Variants in LRP1B observed in about 807,000 individuals in gnomAD.
The protein encoded by LRP1B is LDL receptor related protein 1B.
LRP1B carries 217 observed loss-of-function variants against 556.6 expected under a neutral mutation model. That is an observed-to-expected ratio of 0.39 (90% CI 0.35 to 0.44). The LOEUF is 0.44. LRP1B is among the 20% of genes least tolerant of loss of function. LRP1B has a pLI of 1.00. For synonymous variants in LRP1B, 2,047 were observed against 1,865.8 expected (o/e 1.10, Z -2.50); for missense variants, 5,053 against 5,620.8 (o/e 0.90, Z 3.23).
At chr2:140,627,437 C>T (rs935536451) in intron 41 of LRP1B, among the ~76,000 whole-genome samples, 18 of 152,146 alleles carry the variant, frequency 1.2e-4, no homozygotes, top group African/African-American at 1.7e-4. Context: ...CCTCGAACAT[C>T]GGTCTCCAAG....
At chr2:140,594,384 T>C (rs1682351697) in intron 43 of LRP1B, among the ~76,000 whole-genome samples, 1 of 152,218 alleles carries the variant, frequency 6.6e-6, no homozygotes, top group South Asian at 2.1e-4. Flanking sequence ...TATTAAAAGC[T>C]TTAAGATGTA....
intron 3 of LRP1B, among the ~76,000 whole-genome samples, chr2:141,376,956 G>A (rs527451958): frequency 1.1e-4 from 17 of 151,900 alleles, no homozygotes; most frequent in South Asian, 8.3e-4. Flanking sequence ...TACCTCAACC[G>A]CTTTATTTAC....
intron 20 of LRP1B, among the ~76,000 whole-genome samples, chr2:140,941,740 A>T (rs1695409628): frequency 6.6e-6 from 1 of 152,158 alleles, no homozygotes; most frequent in Non-Finnish European, 1.5e-5. Flanking sequence ...TACACAACAT[A>T]CATGTAAGTT....
At chr2:141,751,370 A>C (rs1344103218) in intron 2 of LRP1B, among the ~76,000 whole-genome samples, 3 of 152,200 alleles carry the variant, frequency 2.0e-5, no homozygotes. Context: ...CTATGAATTC[A>C]TCTTTACTGT....
intron 7 of LRP1B, among the ~76,000 whole-genome samples, chr2:141,162,803 C>T (rs1050918297): frequency 2.6e-5 from 4 of 152,080 alleles, no homozygotes; most frequent in African/African-American, 7.2e-5. Flanking sequence ...AATATATTAA[C>T]AATGTATATA....
intron 15 of LRP1B, among the ~76,000 whole-genome samples, chr2:140,997,590 G>GC: frequency 6.6e-6 from 1 of 151,760 alleles, no homozygotes; most frequent in African/African-American, 2.4e-5. Flanking sequence ...GCTGTCAACT[G>GC]CATCAGAATT....
intron 1 of LRP1B, among the ~76,000 whole-genome samples, chr2:142,060,800 A>C (rs1409650090): frequency 6.6e-6 from 1 of 152,006 alleles, no homozygotes; most frequent in Non-Finnish European, 1.5e-5. Flanking sequence ...TCAGCTTAAA[A>C]TAAGATAATA....
intron 37 of LRP1B, among the ~76,000 whole-genome samples, chr2:140,714,298 T>C (rs888094651): frequency 2.6e-5 from 4 of 152,228 alleles, no homozygotes; most frequent in East Asian, 3.9e-4. Flanking sequence ...TAAACGTTAA[T>C]TGAATAAATT....
At chr2:141,869,645 T>G (rs1270044379) in intron 1 of LRP1B, among the ~76,000 whole-genome samples, 1 of 152,124 alleles carries the variant, frequency 6.6e-6, no homozygotes, top group Non-Finnish European at 1.5e-5. Flanking sequence ...GCTATGTGCC[T>G]TCAGGCACGC....
chr2:140,562,922 T>A (rs1311258609), intron 43 of LRP1B, among the ~76,000 whole-genome samples: 1 of 152,102 alleles, frequency 6.6e-6, no homozygotes, highest in East Asian at 1.9e-4. Flanking sequence ...CAGCTGAGAT[T>A]TTTTTAAGTT....
intron 23 of LRP1B, among the ~76,000 whole-genome samples, chr2:140,890,549 A>G (rs1693768869): frequency 6.6e-6 from 1 of 152,118 alleles, no homozygotes; most frequent in Non-Finnish European, 1.5e-5. Context: ...ATAAATATTT[A>G]CTGAATTATG....
chr2:141,400,302 C>A (rs1411032709), intron 3 of LRP1B, among the ~76,000 whole-genome samples: 2 of 152,174 alleles, frequency 1.3e-5, no homozygotes, highest in East Asian at 3.9e-4. Context: ...TAAATCCTCA[C>A]ATCAATCTTA....
At chr2:141,512,149 C>G (rs1684154143) in intron 2 of LRP1B, among the ~76,000 whole-genome samples, 2 of 152,138 alleles carry the variant, frequency 1.3e-5, no homozygotes, top group Non-Finnish European at 2.9e-5. Flanking sequence ...TCTCTGTGTA[C>G]CTTAATAACA....
At chr2:140,997,854 G>A (rs1033119767) in intron 15 of LRP1B, among the ~76,000 whole-genome samples, 2 of 151,830 alleles carry the variant, frequency 1.3e-5, no homozygotes, top group Non-Finnish European at 2.9e-5. Flanking sequence ...AAAATGCTGC[G>A]ATAGGTTTTG....
chr2:141,061,191 C>T (rs1699324786), intron 8 of LRP1B, among the ~76,000 whole-genome samples: 2 of 151,528 alleles, frequency 1.3e-5, no homozygotes, highest in South Asian at 2.1e-4. Context: ...CACTCCAACC[C>T]CACCCCAGAC....
At chr2:140,781,846 T>C (rs6716577) in intron 32 of LRP1B, among the ~76,000 whole-genome samples, 63,840 of 152,008 alleles carry the variant, frequency 0.42, 13,708 homozygotes, top group African/African-American at 0.5. Context: ...CCTCTACAGA[T>C]AGAATGACAT....
intron 33 of LRP1B, 38 bp downstream of exon 33, chr2:140,776,060 T>C (rs1689485906): frequency 6.8e-7 from 1 of 1,469,978 alleles, no homozygotes; most frequent in South Asian, 1.3e-5. Flanking sequence ...GCACATTACG[T>C]ATTCAAGACC....
intron 7 of LRP1B, among the ~76,000 whole-genome samples, chr2:141,123,365 CTT>C (rs1701116932): frequency 6.6e-6 from 1 of 151,716 alleles, no homozygotes; most frequent in African/African-American, 2.4e-5. Flanking sequence ...GATTTGGCCT[CTT>C]TTAAGAAGTA....
chr2:140,508,522 T>G (rs1483544837), intron 52 of LRP1B, among the ~76,000 whole-genome samples: 11 of 152,170 alleles, frequency 7.2e-5, no homozygotes, highest in Non-Finnish European at 1.5e-5. Context: ...CATAATTTAC[T>G]TTTAACAAAG....
Sources: allele counts gnomAD v4.1 joint callset (sites outside exome capture counted in the v4.1 genomes callset), GRCh38; gene constraint gnomAD v4.1.1; transcripts MANE v1.5; gene names NCBI Gene and HGNC (gene_info 2026-07-23, HGNC 2026-07-21).